Variants in FAM135B observed in about 807,000 individuals in gnomAD.
The protein encoded by FAM135B is protein FAM135B.
In FAM135B, 43 loss-of-function variants were observed where a neutral mutation model predicts 127.7. The ratio of observed to expected loss-of-function variants is 0.34; its 90% CI spans 0.26 to 0.43. The LOEUF is 0.43. FAM135B is among the 20% of genes least tolerant of loss of function. FAM135B has a pLI of 1.00. For synonymous variants in FAM135B, 670 were observed against 665.1 expected (o/e 1.01, Z -0.11); for missense variants, 1,558 against 1,725.6 (o/e 0.90, Z 1.72).
intron 7 of FAM135B, among the ~76,000 whole-genome samples, chr8:138,236,048 T>C (rs1412968504): frequency 6.6e-6 from 1 of 152,088 alleles, no homozygotes; most frequent in East Asian, 1.9e-4. Context: ...TGGAAACAGG[T>C]CTGTTGGGAA....
chr8:138,277,842 C>T lies in FAM135B; in HGVS notation c.158-12000G>A, dbSNP rs184778717. ...TGTCCATCTCTTCCATGCATCCCTCCAATACACACACTCCATTCATCAGAA... is the reference window on the plus strand; with the variant it reads ...TGTCCATCTCTTCCATGCATCCCTCTAATACACACACTCCATTCATCAGAA... On this transcript the variant is annotated intron_variant, in intron 3 of 19. Coordinates refer to ENST00000395297, the MANE Select transcript of FAM135B (RefSeq NM_015912.4). 3.2e-4 allele frequency among the ~76,000 whole-genome samples: 48 copies of T among 152,308 alleles called. No individual in the cohort carries two copies. The East Asian group carries it at 8.9e-3, about 28-fold the overall frequency.
At chr8:138,303,917 A>G (rs1367920367) in intron 3 of FAM135B, among the ~76,000 whole-genome samples, 4 of 152,236 alleles carry the variant, frequency 2.6e-5, no homozygotes, top group Non-Finnish European at 5.9e-5. Flanking sequence ...CAGGGCTACA[A>G]GAACCTGGGT....
chr8:138,424,564 T>C (rs776789300), intron 1 of FAM135B, among the ~76,000 whole-genome samples: 4 of 152,210 alleles, frequency 2.6e-5, no homozygotes, highest in African/African-American at 4.8e-5. Context: ...CTATGCATTA[T>C]CTCAATGAAT....
At chr8:138,297,276 G>A (rs972703616) in intron 3 of FAM135B, among the ~76,000 whole-genome samples, 20 of 152,190 alleles carry the variant, frequency 1.3e-4, no homozygotes, top group East Asian at 7.7e-4. Context: ...TATTAATTCC[G>A]TGACAAGGGC....
intron 7 of FAM135B, among the ~76,000 whole-genome samples, chr8:138,200,631 C>T (rs73717960): frequency 1.3e-5 from 2 of 152,222 alleles, no homozygotes; most frequent in African/African-American, 4.8e-5. Context: ...GTGTCCCATT[C>T]CCCCCAGCCT....
At chr8:138,246,583 C>T (rs1821306875) in intron 6 of FAM135B, among the ~76,000 whole-genome samples, 3 of 152,222 alleles carry the variant, frequency 2.0e-5, no homozygotes, top group Admixed American at 1.3e-4. Context: ...TATATGGAAA[C>T]TCCTGGATGT....
intron 14 of FAM135B, among the ~76,000 whole-genome samples, chr8:138,147,036 G>A (rs1419153948): frequency 6.6e-6 from 1 of 152,182 alleles, no homozygotes; most frequent in Non-Finnish European, 1.5e-5. Flanking sequence ...TATCTCTAAT[G>A]CTTAAGGATG....
intron 12 of FAM135B, among the ~76,000 whole-genome samples, chr8:138,158,752 A>G (rs1222381559): frequency 6.6e-6 from 1 of 152,208 alleles, no homozygotes; most frequent in Non-Finnish European, 1.5e-5. Context: ...ATACCATCTC[A>G]CACCAGTTAG....
At chr8:138,219,857 C>T (rs888742558) in intron 7 of FAM135B, among the ~76,000 whole-genome samples, 1 of 152,168 alleles carries the variant, frequency 6.6e-6, no homozygotes, top group African/African-American at 2.4e-5. Flanking sequence ...AACAGATGCA[C>T]AGGTGCTTGT....
At chr8:138,423,892 TTC>T (rs1032631498) in intron 1 of FAM135B, among the ~76,000 whole-genome samples, 2 of 152,306 alleles carry the variant, frequency 1.3e-5, no homozygotes, top group Admixed American at 6.5e-5. Context: ...CAGGGGTGCA[TTC>T]TCTTTCTCAG....
Position 138,325,153 on chromosome 8 carries a change from C to T in FAM135B, c.78-14233G>A, listed in dbSNP as rs1166319060. On this transcript the variant is annotated intron_variant, in intron 2 of 19. Coordinates refer to ENST00000395297, the MANE Select transcript of FAM135B (RefSeq NM_015912.4). ...AAAAAAAATCAGAAAATTTAAGTTACATAACAAATATCAAAGCTATAAATG... is the reference window on the plus strand; with the variant it reads ...AAAAAAAATCAGAAAATTTAAGTTATATAACAAATATCAAAGCTATAAATG... 2.0e-5 allele frequency among the ~76,000 whole-genome samples: 3 copies of T among 151,976 alleles called. No homozygotes were observed. In the East Asian group the frequency reaches 5.8e-4, roughly 29 times the overall value.
rs1261184241 is a variant in FAM135B at position 138,131,801 on chromosome 8, T to C, written c.*792A>G. The stretch of plus-strand genomic sequence containing the variant: ...TCTGCTAGGTTAGTCTCACTCAGTG[T>C]TCCCTACTACAGACAAAGATGTAAG... On this transcript the variant is annotated 3_prime_UTR_variant, in exon 20 of 20. Coordinates refer to ENST00000395297, the MANE Select transcript of FAM135B (RefSeq NM_015912.4). 2 of 152,630 alleles carry C rather than the reference T, an allele frequency of 1.3e-5. No individual in the cohort carries two copies. Among genetic ancestry groups the C allele is most frequent in the Admixed American group, 6.6e-5 (1 of 15,264 alleles). The allele number at this position is 152,630 out of a possible 1,614,324, so 9.5% of individuals were successfully genotyped here. A position where few individuals can be genotyped will look rare whatever the true frequency, so the allele number is the denominator to read the frequency against.
At chr8:138,422,107 C>G (rs1834545670) in intron 1 of FAM135B, among the ~76,000 whole-genome samples, 1 of 151,968 alleles carries the variant, frequency 6.6e-6, no homozygotes, top group Non-Finnish European at 1.5e-5. Flanking sequence ...TCACCATACA[C>G]AAAAAAGTCA....
chr8:138,208,236 C>T (rs1367712821), intron 7 of FAM135B, among the ~76,000 whole-genome samples: 1 of 152,098 alleles, frequency 6.6e-6, no homozygotes, highest in African/African-American at 2.4e-5. Context: ...GTTCCCATTT[C>T]AACAAGTCTG....
At chr8:138,228,378 C>G (rs1819640592) in intron 7 of FAM135B, among the ~76,000 whole-genome samples, 1 of 152,118 alleles carries the variant, frequency 6.6e-6, no homozygotes, top group Non-Finnish European at 1.5e-5. Flanking sequence ...TGGTTAATAA[C>G]TATTGCATCA....
chr8:138,385,478 C>T (rs1056452966), intron 1 of FAM135B, among the ~76,000 whole-genome samples: 1 of 152,182 alleles, frequency 6.6e-6, no homozygotes, highest in Non-Finnish European at 1.5e-5. Context: ...TTAAAGAAAT[C>T]GTAGGATTTA....
At chr8:138,433,393 A>T (rs1587442580) in intron 1 of FAM135B, among the ~76,000 whole-genome samples, 1 of 107,944 alleles carries the variant, frequency 9.3e-6, no homozygotes, top group African/African-American at 3.8e-5. Context: ...GTGGTAGTAC[A>T]TGCCTGTAGT....
chr8:138,140,828 C>G (rs1191418720), intron 17 of FAM135B, among the ~76,000 whole-genome samples: 1 of 152,216 alleles, frequency 6.6e-6, no homozygotes, highest in Non-Finnish European at 1.5e-5. Context: ...GTCTAGGCCA[C>G]AGTCTCCCTC....
intron 2 of FAM135B, among the ~76,000 whole-genome samples, chr8:138,350,152 G>T (rs189225451): frequency 6.6e-6 from 1 of 152,172 alleles, no homozygotes; most frequent in African/African-American, 2.4e-5. Context: ...AAACTCCTTT[G>T]GATTTCCTTT....
Sources: allele counts gnomAD v4.1 joint callset (sites outside exome capture counted in the v4.1 genomes callset), GRCh38; gene constraint gnomAD v4.1.1; transcripts MANE v1.5; gene names NCBI Gene and HGNC (gene_info 2026-07-23, HGNC 2026-07-21).